CPNE8: variants seen among roughly 807,000 people sequenced by gnomAD.
CPNE8 encodes copine 8.
A neutral mutation model predicts 81.5 loss-of-function variants in CPNE8; 45 were observed. The observed-to-expected ratio is 0.55, with a 90% CI of 0.44 to 0.71. The LOEUF is 0.71. Among genes scored for constraint, CPNE8 ranks in the 30% least tolerant of loss-of-function variants. CPNE8 has a pLI of 0.00. For missense variants in CPNE8, 594 were observed against 672.1 expected, an observed-to-expected ratio of 0.88 and a Z score of 1.28; for synonymous variants, 252 against 226.3, an observed-to-expected ratio of 1.11 and a Z score of -1.02.
Position 38,806,041 on chromosome 12 carries a change from A to T in CPNE8, c.407+23338T>A, listed in dbSNP as rs1250333285. The stretch of plus-strand genomic sequence containing the variant: ...ATTCCTTGACACATACACCCTCCCA[A>T]GACTAAAGCAGGAAGAAGTTGAATC... On this transcript the variant is annotated intron_variant, in intron 6 of 19. Transcript: ENST00000331366. 2.7e-5 allele frequency among the ~76,000 whole-genome samples: 4 copies of T among 150,392 alleles called. 1 individual carries two copies. In the East Asian group the frequency reaches 6.5e-4, roughly 25 times the overall value.
intron 6 of CPNE8, among the ~76,000 whole-genome samples, chr12:38,811,354 T>C (rs542936478): frequency 1.3e-5 from 2 of 152,284 alleles, no homozygotes; most frequent in South Asian, 4.1e-4. Context: ...GTTGACTAGA[T>C]ACTAGGCAAA....
At chr12:38,723,970 G>C in intron 12 of CPNE8, 137 bp from the exon 13 acceptor site, 1 of 554,632 alleles carries the variant, frequency 1.8e-6, no homozygotes, top group Non-Finnish European at 3.2e-6. Context: ...ACATCTGCTA[G>C]GACTGATTGT....
At chr12:38,696,078 T>C in intron 14 of CPNE8, among the ~76,000 whole-genome samples, 1 of 152,266 alleles carries the variant, frequency 6.6e-6, no homozygotes, top group African/African-American at 2.4e-5. Context: ...TAAAAAAATA[T>C]AATTAGTACC....
intron 10 of CPNE8, among the ~76,000 whole-genome samples, chr12:38,737,828 TCTC>T (rs1362925617): frequency 3.2e-5 from 1 of 31,598 alleles, no homozygotes; most frequent in Non-Finnish European, 7.7e-5. Context: ...ACTCATTCTC[TCTC>T]TCTCTCTCTC....
intron 10 of CPNE8, among the ~76,000 whole-genome samples, chr12:38,735,584 A>G (rs965521648): frequency 6.6e-6 from 1 of 152,048 alleles, no homozygotes; most frequent in African/African-American, 2.4e-5. Flanking sequence ...TCTAAGAATG[A>G]TTTCTTATAC....
chr12:38,785,868 A>T (rs904268002), intron 6 of CPNE8, among the ~76,000 whole-genome samples: 5 of 152,216 alleles, frequency 3.3e-5, no homozygotes, highest in Admixed American at 6.5e-5. Flanking sequence ...ATAAGATAAT[A>T]TCTGCAAGCC....
chr12:38,891,300 A>G (rs548707697), intron 1 of CPNE8, among the ~76,000 whole-genome samples: 1 of 152,152 alleles, frequency 6.6e-6, no homozygotes, highest in Non-Finnish European at 1.5e-5. Flanking sequence ...CTTGAGGACA[A>G]TGTGTTTTAA....
intron 6 of CPNE8, among the ~76,000 whole-genome samples, chr12:38,785,623 C>T (rs1475041388): frequency 6.6e-6 from 1 of 152,152 alleles, no homozygotes; most frequent in Non-Finnish European, 1.5e-5. Context: ...ATTGTGAGGC[C>T]TCCCCAGCCA....
At chr12:38,827,068 C>G (rs981762898) in intron 6 of CPNE8, among the ~76,000 whole-genome samples, 2 of 148,650 alleles carry the variant, frequency 1.3e-5, no homozygotes, top group African/African-American at 2.5e-5. Flanking sequence ...GTAATCCCAG[C>G]TACTCGGGAG....
chr12:38,713,203 C>T (rs900592974), intron 13 of CPNE8, among the ~76,000 whole-genome samples: 2 of 152,168 alleles, frequency 1.3e-5, no homozygotes, highest in Non-Finnish European at 2.9e-5. Context: ...TGAAATTGGG[C>T]TGACTTTTTC....
Position 38,652,732 on chromosome 12 carries a change from CTG to C in CPNE8, c.*1148_*1149del, listed in dbSNP as rs978751743. ...TTAATTTAGACACAACTTCACAAAA[CTG>C]TAATTCTTGTAAAAACTGTACATGC... is the stretch of plus-strand genomic sequence containing the variant. On this transcript the variant is annotated 3_prime_UTR_variant, in exon 20 of 20. Coordinates refer to ENST00000331366, the MANE Select transcript of CPNE8 (RefSeq NM_153634.3). 1 of 152,616 alleles carries C rather than the reference CTG, an allele frequency of 6.6e-6. No individual in the cohort carries two copies. 9.5% of individuals were successfully genotyped at this position (152,616 alleles called of 1,614,324 possible). A position where few individuals can be genotyped will look rare whatever the true frequency, so the allele number is the denominator to read the frequency against.
At position 38,805,833 on chromosome 12, in the gene CPNE8, A is replaced by G. The variant is rs891867803; in HGVS notation, c.407+23546T>C. On this transcript the variant is annotated intron_variant, in intron 6 of 19. Transcript: ENST00000331366. The stretch of plus-strand genomic sequence containing the variant: ...ATCCAGGAGCTGGTTTTTTGAAAGG[A>G]TCAACAAAATTGATAGACCACTAGC... Among the ~76,000 whole-genome samples, 11 of 149,696 alleles carry G rather than the reference A, an allele frequency of 7.3e-5. 1 individual carries two copies. The highest frequency in any genetic ancestry group is 2.2e-4 in the South Asian group (1 of 4,572).
Position 38,683,604 on chromosome 12 carries a change from C to A in CPNE8, c.1271+1886G>T, listed in dbSNP as rs1939459687. Among the ~76,000 whole-genome samples the A allele has an allele frequency of 3.9e-5, 6 of 151,956 alleles. 1 individual carries two copies. The South Asian group carries it at 1.2e-3, about 32-fold the overall frequency. ...CAGACAGAAATTGTCTGTCTCAATA[C>A]AAGCTTAAAAATACAATTAAACATA... On this transcript the variant is annotated intron_variant, in intron 16 of 19. Transcript: ENST00000331366.
chr12:38,697,979 T>A (rs1057046886), intron 14 of CPNE8, among the ~76,000 whole-genome samples: 2 of 152,192 alleles, frequency 1.3e-5, no homozygotes, highest in African/African-American at 4.8e-5. Flanking sequence ...AATTACCCAG[T>A]CTCAGGTATT....
At chr12:38,891,834 A>T (rs1159191863) in intron 1 of CPNE8, among the ~76,000 whole-genome samples, 1 of 152,280 alleles carries the variant, frequency 6.6e-6, no homozygotes, top group African/African-American at 2.4e-5. Flanking sequence ...CTTCCAATCT[A>T]TCAAGTGGCA....
chr12:38,707,237 C>G (rs1940130850), intron 13 of CPNE8, among the ~76,000 whole-genome samples: 1 of 152,088 alleles, frequency 6.6e-6, no homozygotes, highest in Non-Finnish European at 1.5e-5. Flanking sequence ...TCTCTTCAGC[C>G]TACGAATTTG....
In CPNE8 at chr12:38,677,566, C is replaced by T. The variant is rs189606759; in HGVS notation, c.1272-12G>A. Reference sequence around the variant, plus strand: ...CAGAAGAAGCATATCTGAAAGGCAACGAAAAGGTAAGGAAAGTAAAACAGT... The same window carrying T: ...CAGAAGAAGCATATCTGAAAGGCAATGAAAAGGTAAGGAAAGTAAAACAGT... On this transcript the variant is annotated splice_polypyrimidine_tract_variant and intron_variant, in intron 16 of 19. Coordinates refer to ENST00000331366, the MANE Select transcript of CPNE8 (RefSeq NM_153634.3). 37 of 1,529,900 alleles carry T rather than the reference C, an allele frequency of 2.4e-5. No individual in the cohort carries two copies. Among genetic ancestry groups the T allele is most frequent in the South Asian group, 1.1e-4 (10 of 89,280 alleles). The allele number at this position is 1,529,900 out of a possible 1,614,324, so 94.8% of individuals were successfully genotyped here. A position where few individuals can be genotyped will look rare whatever the true frequency, so the allele number is the denominator to read the frequency against.
At chr12:38,707,610 T>C (rs1940141965) in intron 13 of CPNE8, among the ~76,000 whole-genome samples, 1 of 152,170 alleles carries the variant, frequency 6.6e-6, no homozygotes, top group Non-Finnish European at 1.5e-5. Context: ...TTGGTAATTA[T>C]GGTGCAACAG....
chr12:38,856,971 T>C (rs1284754745), intron 3 of CPNE8, among the ~76,000 whole-genome samples: 2 of 152,072 alleles, frequency 1.3e-5, no homozygotes, highest in Admixed American at 6.5e-5. Context: ...GGGTTTTTTT[T>C]TTCAATATAC....
Sources: allele counts gnomAD v4.1 joint callset (sites outside exome capture counted in the v4.1 genomes callset), GRCh38; gene constraint gnomAD v4.1.1; transcripts MANE v1.5; gene names NCBI Gene and HGNC (gene_info 2026-07-23, HGNC 2026-07-21).